NSRP1: variants seen among roughly 807,000 people sequenced by gnomAD.
NSRP1 encodes the protein coiled-coil domain containing 55.
A neutral mutation model predicts 54.7 loss-of-function variants in NSRP1; 24 were observed. The ratio of observed to expected loss-of-function variants is 0.44; its 90% CI spans 0.32 to 0.62. The LOEUF is 0.62. NSRP1 is among the 20% of genes least tolerant of loss of function. The pLI, the probability that NSRP1 is intolerant of heterozygous loss-of-function variation, is 0.06. For synonymous variants in NSRP1, 210 were observed against 213.8 expected, an observed-to-expected ratio of 0.98 and a Z score of 0.15; for missense variants, 596 against 651.2, an observed-to-expected ratio of 0.92 and a Z score of 0.92.
chr17:30,162,473 C>A (rs1174363032), intron 2 of NSRP1, among the ~76,000 whole-genome samples: 2 of 152,104 alleles, frequency 1.3e-5, no homozygotes, highest in African/African-American at 2.4e-5. Context: ...ATAGAGATTG[C>A]TGAGTTGTAA....
chr17:30,182,229 G>A (rs1200408193), intron 6 of NSRP1, among the ~76,000 whole-genome samples: 1 of 152,124 alleles, frequency 6.6e-6, no homozygotes, highest in African/African-American at 2.4e-5. Flanking sequence ...AAAAAGGAAA[G>A]TGGTTTGTTT....
chr17:30,138,921 T>TTTG lies in NSRP1; in HGVS notation c.114+20750_114+20751insGTT, dbSNP rs1555578503. On this transcript the variant is annotated intron_variant, in intron 2 of 6. Coordinates refer to ENST00000247026, the MANE Select transcript of NSRP1 (RefSeq NM_032141.4). ...CTCAAGTCTTAGCGTTTTTTTTTTT[T>TTTG]TTTTTTTTTTTTTTGAGATGGAGTC... is the stretch of plus-strand genomic sequence containing the variant. Among the ~76,000 whole-genome samples, 9 of 133,860 alleles carry TTTG rather than the reference T, an allele frequency of 6.7e-5. No individual in the cohort carries two copies. In the East Asian group the frequency reaches 6.8e-4, roughly 10 times the overall value. The allele number at this position is 133,860 out of a possible 152,430, so 87.8% of individuals were successfully genotyped here.
intron 6 of NSRP1, among the ~76,000 whole-genome samples, chr17:30,182,599 G>T (rs559783232): frequency 6.6e-6 from 1 of 151,922 alleles, no homozygotes; most frequent in African/African-American, 2.4e-5. Flanking sequence ...CTGAGATAGC[G>T]CCACTGCACT....
At chr17:30,135,779 G>GT (rs1415548644) in intron 2 of NSRP1, among the ~76,000 whole-genome samples, 1 of 152,088 alleles carries the variant, frequency 6.6e-6, no homozygotes, top group Non-Finnish European at 1.5e-5. Flanking sequence ...GTTGGCACCA[G>GT]TTTTTGATGA....
chr17:30,151,092 A>G (rs920404059), intron 2 of NSRP1, among the ~76,000 whole-genome samples: 4 of 152,158 alleles, frequency 2.6e-5, no homozygotes, highest in Admixed American at 6.5e-5. Flanking sequence ...CCCAGTGGCT[A>G]ATGATGTTGA....
chr17:30,161,773 C>T (rs4494608), intron 2 of NSRP1, among the ~76,000 whole-genome samples: 127,814 of 152,106 alleles, frequency 0.84, 53,708 homozygotes, highest in East Asian at 0.89. Flanking sequence ...AAAACACAGC[C>T]ATGGATGAAA....
At chr17:30,147,481 T>C (rs562701765) in intron 2 of NSRP1, among the ~76,000 whole-genome samples, 68 of 151,670 alleles carry the variant, frequency 4.5e-4, no homozygotes, top group Non-Finnish European at 9.0e-4. Flanking sequence ...TTTGTTTTGT[T>C]TGAGATGGAG....
intron 2 of NSRP1, among the ~76,000 whole-genome samples, chr17:30,129,035 G>C (rs920126539): frequency 6.6e-6 from 1 of 151,248 alleles, no homozygotes; most frequent in African/African-American, 2.4e-5. Context: ...TGGGATTACA[G>C]GTGTGAGCCA....
In NSRP1 at chr17:30,130,777, CTG is replaced by C. The variant is rs1204403499; in HGVS notation, c.114+12606_114+12607del. On this transcript the variant is annotated intron_variant, in intron 2 of 6. Coordinates refer to ENST00000247026, the MANE Select transcript of NSRP1 (RefSeq NM_032141.4). ...TTGAATTGTTTTTTCCAGGAATACA[CTG>C]TTTCTTTTTCTCTAAATATTTAGCT... Among the ~76,000 whole-genome samples the C allele has an allele frequency of 6.6e-5, 10 of 152,252 alleles. No homozygotes were observed. The East Asian group carries it at 1.7e-3, about 26-fold the overall frequency.
intron 2 of NSRP1, among the ~76,000 whole-genome samples, chr17:30,119,221 C>A (rs1282685269): frequency 6.6e-6 from 1 of 152,008 alleles, no homozygotes; most frequent in African/African-American, 2.4e-5. Context: ...TCCTGAGTAG[C>A]TGGGGTTACA....
chr17:30,138,917 T>TTTG (rs1555578491), intron 2 of NSRP1, among the ~76,000 whole-genome samples: 3 of 130,720 alleles, frequency 2.3e-5, no homozygotes, highest in South Asian at 2.8e-4. Flanking sequence ...GCGTTTTTTT[T>TTTG]TTTTTTTTTT....
chr17:30,178,037 C>T, intron 3 of NSRP1, 34 bp from the exon 4 acceptor site: 2 of 1,607,038 alleles, frequency 1.2e-6, no homozygotes, highest in Middle Eastern at 1.7e-4. Context: ...TTGGCTGGCT[C>T]ATATTTTTGA....
chr17:30,130,745 A>G (rs998075523), intron 2 of NSRP1, among the ~76,000 whole-genome samples: 5 of 152,134 alleles, frequency 3.3e-5, no homozygotes, highest in African/African-American at 1.2e-4. Flanking sequence ...TCTTGCTGCA[A>G]ATAATGTTGA....
At position 30,134,899 on chromosome 17, in the gene NSRP1, A is replaced by T. The variant is rs538003265; in HGVS notation, c.114+16726A>T. On this transcript the variant is annotated intron_variant, in intron 2 of 6. Transcript: ENST00000247026. ...GTTGTGTTCAAATGTGCTTTTTATC[A>T]TGTGAAATTACACAACTTTGCCTTC... Among the ~76,000 whole-genome samples the T allele has an allele frequency of 5.9e-5, 9 of 152,298 alleles. No individual in the cohort carries two copies. The South Asian group carries it at 1.9e-3, about 32-fold the overall frequency.
At chr17:30,164,868 C>T (rs2036277504) in intron 2 of NSRP1, among the ~76,000 whole-genome samples, 1 of 152,086 alleles carries the variant, frequency 6.6e-6, no homozygotes, top group Admixed American at 6.6e-5. Flanking sequence ...GGTCCTCAGG[C>T]ATAGAATTAA....
At chr17:30,153,117 G>A (rs954284342) in intron 2 of NSRP1, among the ~76,000 whole-genome samples, 2 of 151,562 alleles carry the variant, frequency 1.3e-5, no homozygotes, top group Non-Finnish European at 2.9e-5. Flanking sequence ...GAGTTTTGCC[G>A]TGTTGGCCAG....
At chr17:30,135,102 A>G (rs2071737329) in intron 2 of NSRP1, among the ~76,000 whole-genome samples, 1 of 151,934 alleles carries the variant, frequency 6.6e-6, no homozygotes, top group African/African-American at 2.4e-5. Context: ...TTTACTTATC[A>G]TAATTGTTTT....
chr17:30,174,582 C>G (rs1905064730), intron 3 of NSRP1, among the ~76,000 whole-genome samples: 1 of 152,122 alleles, frequency 6.6e-6, no homozygotes, highest in South Asian at 2.1e-4. Context: ...GGAAAACTTT[C>G]AGTATGTCAT....
At chr17:30,180,045 G>A (rs9900608) in intron 5 of NSRP1, among the ~76,000 whole-genome samples, 127,431 of 152,052 alleles carry the variant, frequency 0.84, 53,407 homozygotes, top group East Asian at 0.89. Flanking sequence ...CTATGTTGCC[G>A]GGGCTGGTCT....
Sources: gnomAD v4.1 joint callset for allele counts (sites outside exome capture counted in the v4.1 genomes callset) on GRCh38, gnomAD v4.1.1 for gene constraint, MANE v1.5 for transcripts, NCBI Gene and HGNC (gene_info 2026-07-23, HGNC 2026-07-21) for gene names.